Variants in DHRSX observed in about 807,000 individuals in gnomAD.
DHRSX encodes the protein polyprenol dehydrogenase.
A neutral mutation model predicts 34.0 loss-of-function variants in DHRSX; 31 were observed. The ratio of observed to expected loss-of-function variants is 0.91; its 90% CI spans 0.69 to 1.23. The LOEUF (loss-of-function observed/expected upper bound fraction) is 1.23. DHRSX is among the 50% of genes most tolerant of loss of function. The pLI, the probability that DHRSX is intolerant of heterozygous loss-of-function variation, is 0.00. For synonymous variants in DHRSX, 201 were observed against 183.8 expected (o/e 1.09, Z -0.76); for missense variants, 414 against 428.1 (o/e 0.97, Z 0.29).
intron 3 of DHRSX, among the ~76,000 whole-genome samples, chrX:2,372,950 T>C (rs1299278401): frequency 6.6e-6 from 1 of 152,142 alleles, no homozygotes; most frequent in Non-Finnish European, 1.5e-5. Flanking sequence ...ACCGCGGCTC[T>C]ACTTTGCATC....
In DHRSX at chrX:2,486,963, G is replaced by A. The variant is rs746873106; in HGVS notation, c.109+13854C>T. 4 of 152,290 alleles carry A rather than the reference G, an allele frequency of 2.6e-5. No homozygotes were observed. The South Asian group carries it at 8.3e-4, about 32-fold the overall frequency. 9.4% of individuals were successfully genotyped at this position (152,290 alleles called of 1,614,324 possible). A position where few individuals can be genotyped will look rare whatever the true frequency, so the allele number is the denominator to read the frequency against. ...GTTCTTGGGGTCTCGGCAGAACACT[G>A]CCTGGAGCTGAGTGGGGTCATCCCT... On this transcript the variant is annotated intron_variant, in intron 1 of 6. Coordinates refer to ENST00000334651, the MANE Select transcript of DHRSX (RefSeq NM_145177.3).
intron 3 of DHRSX, among the ~76,000 whole-genome samples, chrX:2,383,394 GATC>G (rs889135470): frequency 2.8e-4 from 41 of 148,090 alleles, no homozygotes; most frequent in African/African-American, 7.7e-4. Context: ...CCATCGTCAT[GATC>G]ATCACCATCA....
intron 4 of DHRSX, among the ~76,000 whole-genome samples, chrX:2,276,061 C>G (rs2041633061): frequency 6.6e-6 from 1 of 152,138 alleles, no homozygotes; most frequent in Admixed American, 6.5e-5. Flanking sequence ...CCAGGATGGT[C>G]TCGAACTCCT....
intron 3 of DHRSX, among the ~76,000 whole-genome samples, chrX:2,406,272 A>G (rs2043554500): frequency 1.3e-5 from 2 of 152,012 alleles, no homozygotes; most frequent in African/African-American, 2.4e-5. Flanking sequence ...AGCCTAGGTG[A>G]CAGAGTGAGA....
chrX:2,288,434 A>T (rs62595529), intron 4 of DHRSX, among the ~76,000 whole-genome samples: 18 of 152,006 alleles, frequency 1.2e-4, no homozygotes, highest in African/African-American at 4.3e-4. Context: ...AGGGTTTCAC[A>T]ATGTTGTCCA....
At chrX:2,327,834 A>G (rs1403726455) in intron 3 of DHRSX, among the ~76,000 whole-genome samples, 1 of 152,068 alleles carries the variant, frequency 6.6e-6, no homozygotes, top group Non-Finnish European at 1.5e-5. Context: ...TAATCCCAGT[A>G]CTTTGGGAGG....
At chrX:2,295,098 C>A (rs2041916446) in intron 3 of DHRSX, among the ~76,000 whole-genome samples, 1 of 152,118 alleles carries the variant, frequency 6.6e-6, no homozygotes, top group Non-Finnish European at 1.5e-5. Flanking sequence ...GTTTATAAAT[C>A]ATTCTACTAT....
chrX:2,304,041 ATGGATGGATGGATGGATGGATGGG>A (rs753178296), intron 3 of DHRSX, among the ~76,000 whole-genome samples: 6,452 of 131,762 alleles, frequency 0.049, 231 homozygotes, highest in Non-Finnish European at 0.08. Flanking sequence ...GGATGGATGG[ATGGATGGATGGATGGATGGATGGG>A]TGGATGGATG....
chrX:2,297,714 A>G lies in DHRSX; in HGVS notation c.287-6111T>C, dbSNP rs189039390. 2.9e-3 allele frequency among the ~76,000 whole-genome samples: 437 copies of G among 151,004 alleles called. 1 individual carries two copies. Among genetic ancestry groups the G allele is most frequent in the African/African-American group, 0.01 (422 of 41,168 alleles). On this transcript the variant is annotated intron_variant, in intron 3 of 6. Coordinates refer to ENST00000334651, the MANE Select transcript of DHRSX (RefSeq NM_145177.3). ...CCTTGTTATCATACTGCTGCCCAAAATGCTAGGATGACAGGAGTGCGGAGT... is the reference window on the plus strand; with the variant it reads ...CCTTGTTATCATACTGCTGCCCAAAGTGCTAGGATGACAGGAGTGCGGAGT...
At chrX:2,483,759 G>A (rs758001556) in intron 1 of DHRSX, among the ~76,000 whole-genome samples, 2 of 147,616 alleles carry the variant, frequency 1.4e-5, no homozygotes, top group African/African-American at 5.0e-5. Context: ...ATTCCAATTG[G>A]TGCCTCGAGA....
chrX:2,251,501 T>TGCTGG (rs2016432827), intron 5 of DHRSX, among the ~76,000 whole-genome samples: 1 of 152,134 alleles, frequency 6.6e-6, no homozygotes, highest in Non-Finnish European at 1.5e-5. Flanking sequence ...AGTTCCAAGG[T>TGCTGG]GCTGGCCAAT....
intron 4 of DHRSX, among the ~76,000 whole-genome samples, chrX:2,282,437 A>G (rs1295814781): frequency 6.8e-6 from 1 of 146,802 alleles, no homozygotes; most frequent in East Asian, 2.0e-4. Context: ...GGCAAAGGAG[A>G]GAGGAGGAGA....
At chrX:2,341,145 C>T (rs2042635407) in intron 3 of DHRSX, among the ~76,000 whole-genome samples, 1 of 152,018 alleles carries the variant, frequency 6.6e-6, no homozygotes, top group Admixed American at 6.6e-5. Flanking sequence ...GTTTTACTTA[C>T]ACACAGCAGG....
chrX:2,391,931 A>G (rs190584404), intron 3 of DHRSX, among the ~76,000 whole-genome samples: 2,256 of 150,844 alleles, frequency 0.015, 23 homozygotes, highest in Non-Finnish European at 0.023. Flanking sequence ...CGACTAAAAG[A>G]AAAAAAAAGG....
At chrX:2,333,056 G>C (rs2042500983) in intron 3 of DHRSX, among the ~76,000 whole-genome samples, 2 of 152,078 alleles carry the variant, frequency 1.3e-5, no homozygotes, top group South Asian at 4.1e-4. Context: ...TGCTCGTTTT[G>C]CTATTTACCC....
intron 1 of DHRSX, among the ~76,000 whole-genome samples, chrX:2,482,589 C>CT (rs1457867591): frequency 3.9e-5 from 6 of 152,136 alleles, no homozygotes; most frequent in Non-Finnish European, 7.4e-5. Flanking sequence ...TATCATGAAA[C>CT]TTTATTATTC....
At chrX:2,397,163 T>C (rs1456430793) in intron 3 of DHRSX, among the ~76,000 whole-genome samples, 1 of 151,892 alleles carries the variant, frequency 6.6e-6, no homozygotes, top group Non-Finnish European at 1.5e-5. Context: ...CACGCCTGAC[T>C]AATTTTTTTA....
chrX:2,337,607 C>G (rs1287221792), intron 3 of DHRSX, among the ~76,000 whole-genome samples: 3 of 151,896 alleles, frequency 2.0e-5, no homozygotes, highest in African/African-American at 4.8e-5. Flanking sequence ...GCCTCAGGAT[C>G]GAGAAAAGGT....
intron 1 of DHRSX, among the ~76,000 whole-genome samples, chrX:2,481,991 C>G (rs1044141267): frequency 1.3e-5 from 2 of 151,824 alleles, no homozygotes; most frequent in Non-Finnish European, 2.9e-5. Context: ...TTGAGACAGT[C>G]GCCCAGGCTA....
Sources: allele counts gnomAD v4.1 joint callset (sites outside exome capture counted in the v4.1 genomes callset), GRCh38; gene constraint gnomAD v4.1.1; transcripts MANE v1.5; gene names NCBI Gene and HGNC (gene_info 2026-07-23, HGNC 2026-07-21).